The following NTN1 variants were observed in gnomAD, a reference collection of about 807,000 sequenced individuals.
NTN1 encodes netrin-1.
NTN1 carries 11 observed loss-of-function variants against 54.2 expected under a neutral mutation model. The ratio of observed to expected loss-of-function variants is 0.20; its 90% CI spans 0.13 to 0.34. NTN1 has a LOEUF of 0.34. Ranked by LOEUF, NTN1 falls within the 10% of genes least tolerant of loss-of-function variation. NTN1 has a pLI of 1.00. For missense variants in NTN1, 740 were observed against 893.1 expected, an observed-to-expected ratio of 0.83 and a Z score of 2.18; for synonymous variants, 371 against 382.0, an observed-to-expected ratio of 0.97 and a Z score of 0.33.
intron 2 of NTN1, among the ~76,000 whole-genome samples, chr17:9,051,307 A>G (rs920337261): frequency 6.6e-6 from 1 of 152,212 alleles, no homozygotes; most frequent in Non-Finnish European, 1.5e-5. Flanking sequence ...CCATCCCGGT[A>G]AACACTCCAG....
chr17:9,122,687 A>G (rs1332109159), intron 2 of NTN1, among the ~76,000 whole-genome samples: 1 of 152,234 alleles, frequency 6.6e-6, no homozygotes, highest in Non-Finnish European at 1.5e-5. Flanking sequence ...AGATTAGGAC[A>G]AAAAGAAGAA....
At chr17:9,189,088 G>A (rs1904381124) in intron 5 of NTN1, among the ~76,000 whole-genome samples, 2 of 152,194 alleles carry the variant, frequency 1.3e-5, no homozygotes, top group Admixed American at 6.5e-5. Flanking sequence ...GGAAGGAGGA[G>A]ACAACATTTA....
At chr17:9,193,916 C>G (rs763842414) in intron 5 of NTN1, among the ~76,000 whole-genome samples, 2 of 8,316 alleles carry the variant, frequency 2.4e-4, no homozygotes, top group African/African-American at 6.2e-4. Context: ...AGTGAAACTC[C>G]GACTAAAAAA....
intron 2 of NTN1, among the ~76,000 whole-genome samples, chr17:9,032,767 T>C (rs1452350239): frequency 6.6e-6 from 1 of 152,068 alleles, no homozygotes; most frequent in Non-Finnish European, 1.5e-5. Context: ...GGCCAGCTCG[T>C]TTTCCTCTCC....
rs2091851492 is a variant in NTN1 at position 9,022,163 on chromosome 17, G to C, written c.-63-148G>C. 4 of 500,906 alleles carry C rather than the reference G, an allele frequency of 8.0e-6. No individual in the cohort carries two copies. In the South Asian group the frequency reaches 4.1e-4, roughly 51 times the overall value. The allele number at this position is 500,906 out of a possible 1,614,324, so 31.0% of individuals were successfully genotyped here. A position where few individuals can be genotyped will look rare whatever the true frequency, so the allele number is the denominator to read the frequency against. On this transcript the variant is annotated intron_variant, in intron 1 of 6. Transcript: ENST00000173229. ...TTGGAGGGCCCCGGCTTCGCCGCCC[G>C]CGGGACTTTGGGGGAGAGAGGCGGG...
chr17:9,224,625 T>G (rs58570251), intron 6 of NTN1, among the ~76,000 whole-genome samples: 1 of 151,722 alleles, frequency 6.6e-6, no homozygotes, highest in Non-Finnish European at 1.5e-5. Context: ...CTTCCTTGAG[T>G]TTTTCCTTCC....
intron 2 of NTN1, among the ~76,000 whole-genome samples, chr17:9,087,177 A>G (rs2092092412): frequency 6.6e-6 from 1 of 152,150 alleles, no homozygotes; most frequent in South Asian, 2.1e-4. Flanking sequence ...CCTGTTGTGG[A>G]ACCTTAGTTT....
intron 2 of NTN1, among the ~76,000 whole-genome samples, chr17:9,133,567 G>A (rs1477187847): frequency 6.6e-6 from 1 of 151,720 alleles, no homozygotes; most frequent in African/African-American, 2.4e-5. Context: ...TCCATTCTGT[G>A]CAGGGACCTT....
intron 2 of NTN1, among the ~76,000 whole-genome samples, chr17:9,082,609 C>T (rs2092075182): frequency 6.6e-6 from 1 of 152,060 alleles, no homozygotes; most frequent in Non-Finnish European, 1.5e-5. Context: ...CGCACACACA[C>T]TGCCTGCTGC....
intron 2 of NTN1, among the ~76,000 whole-genome samples, chr17:9,032,681 A>G (rs185481549): frequency 2.6e-5 from 4 of 152,342 alleles, no homozygotes; most frequent in Middle Eastern, 3.4e-3. Flanking sequence ...CTGAAACGTG[A>G]AAGTACCTTT....
chr17:9,092,314 C>CTT (rs2092113904), intron 2 of NTN1, among the ~76,000 whole-genome samples: 1 of 131,458 alleles, frequency 7.6e-6, no homozygotes. Context: ...ATTTTCTTTT[C>CTT]TTCTCTTTTT....
chr17:9,156,891 C>T (rs1256287343), intron 2 of NTN1, among the ~76,000 whole-genome samples: 2 of 152,132 alleles, frequency 1.3e-5, no homozygotes, highest in Non-Finnish European at 2.9e-5. Context: ...TGTCTACCTG[C>T]CCACCTACCT....
At chr17:9,177,425 T>C (rs1255652469) in intron 3 of NTN1, 1 of 152,264 alleles carries the variant, frequency 6.6e-6, no homozygotes, top group Admixed American at 6.5e-5. Context: ...CACGTGTGAC[T>C]TGGCTCTGAA....
intron 2 of NTN1, among the ~76,000 whole-genome samples, chr17:9,058,114 C>T (rs770453785): frequency 2.6e-5 from 4 of 152,118 alleles, no homozygotes; most frequent in East Asian, 1.9e-4. Context: ...ATCAGAAACT[C>T]CTGAGCTCAG....
intron 6 of NTN1, among the ~76,000 whole-genome samples, chr17:9,223,329 A>T (rs899302900): frequency 3.3e-5 from 5 of 152,264 alleles, no homozygotes; most frequent in African/African-American, 1.2e-4. Flanking sequence ...AGGTGGGCAG[A>T]TCACCTGAGG....
At chr17:9,232,837 G>T (rs958906978) in intron 6 of NTN1, among the ~76,000 whole-genome samples, 1 of 152,150 alleles carries the variant, frequency 6.6e-6, no homozygotes, top group African/African-American at 2.4e-5. Context: ...TGGCTCTGGC[G>T]GCCCTTCCTC....
At chr17:9,094,988 C>CAAAAAAAAAAAAAAAAAAAAAAAAAA (rs71135941) in intron 2 of NTN1, among the ~76,000 whole-genome samples, 1 of 99,924 alleles carries the variant, frequency 1.0e-5, no homozygotes, top group Non-Finnish European at 2.0e-5. Flanking sequence ...GACTCCGTCT[C>CAAAAAAAAAAAAAAAAAAAAAAAAAA]AAAAAAAAAA....
chr17:9,004,777 C>T, the NTN1 span, among the ~76,000 whole-genome samples: 1 of 152,250 alleles, frequency 6.6e-6, no homozygotes, highest in Non-Finnish European at 1.5e-5. Context: ...TGGCCCTGGG[C>T]CCTTTCACCC....
At chr17:9,147,926 T>G (rs538780806) in intron 2 of NTN1, among the ~76,000 whole-genome samples, 1 of 152,350 alleles carries the variant, frequency 6.6e-6, no homozygotes, top group East Asian at 1.9e-4. Context: ...AAGCATATCA[T>G]GATGAAAATG....
Sources: gnomAD v4.1 joint callset for allele counts (sites outside exome capture counted in the v4.1 genomes callset) on GRCh38, gnomAD v4.1.1 for gene constraint, MANE v1.5 for transcripts, NCBI Gene and HGNC (gene_info 2026-07-23, HGNC 2026-07-21) for gene names.